The following PRMT5 variants were observed in gnomAD, a reference collection of about 807,000 sequenced individuals.
PRMT5 encodes protein arginine methyltransferase 5.
A neutral mutation model predicts 84.0 loss-of-function variants in PRMT5; 15 were observed. The ratio of observed to expected loss-of-function variants is 0.18; its 90% CI spans 0.12 to 0.28. The LOEUF is 0.28. Ranked by LOEUF, PRMT5 falls within the 10% of genes least tolerant of loss-of-function variation. PRMT5 has a pLI of 1.00. For synonymous variants in PRMT5, 276 were observed against 292.4 expected (o/e 0.94, Z 0.57); for missense variants, 486 against 808.0 (o/e 0.60, Z 4.83).
intron 14 of PRMT5, 64 bp downstream of exon 14, chr14:22,922,678 G>T: frequency 6.5e-7 from 1 of 1,546,916 alleles, no homozygotes; most frequent in Non-Finnish European, 8.9e-7. Context: ...AGTAAGGGAA[G>T]AAAGCAGGAG....
intron 16 of PRMT5, among the ~76,000 whole-genome samples, chr14:22,921,611 G>A (rs778366725): frequency 1.3e-5 from 2 of 152,164 alleles, no homozygotes; most frequent in African/African-American, 2.4e-5. Context: ...CAGGCCAGGC[G>A]CGGTGGCTCA....
chr14:22,926,276 G>A lies in PRMT5; in HGVS notation c.634C>T (p.Leu212Phe). The change falls in exon 7 of 17, where the codon CTC becomes TTC. Residue 212 changes from leucine (L) to phenylalanine (F), a missense_variant. Leu to Phe is a conservative substitution (Grantham distance 22). Transcript: ENST00000324366. ...IAVALEIGAD[L>F]PSNHVIDRWL... ...CGATCAATGACATGATTAGATGGGAGGTCAGCCCCAATTTCAAGAGCTACA... is the reference window on the plus strand; with the variant it reads ...CGATCAATGACATGATTAGATGGGAAGTCAGCCCCAATTTCAAGAGCTACA... The A allele has an allele frequency of 6.2e-7, 1 of 1,613,716 alleles. No homozygotes were observed. Among genetic ancestry groups the A allele is most frequent in the Non-Finnish European group, 8.5e-7 (1 of 1,179,840 alleles).
In PRMT5 at chr14:22,926,521, T is replaced by C. The variant is rs1356620654; in HGVS notation, c.598A>G (p.Lys200Glu). 1.2e-6 allele frequency: 2 copies of C among 1,614,038 alleles called. No homozygotes were observed. The highest frequency in any genetic ancestry group is 8.5e-7 in the Non-Finnish European group (1 of 1,180,028). Residue 200 changes from lysine to glutamate, a missense_variant, in exon 6 of 17, where the codon AAG becomes GAG. Coordinates refer to ENST00000324366, the MANE Select transcript of PRMT5 (RefSeq NM_006109.5). Reference sequence around the variant, plus strand: ...ATGGACTCACCCACTGCAATCCTCTTACTATAGTCACACAAAGTCCGGAAG... The same window carrying C: ...ATGGACTCACCCACTGCAATCCTCTCACTATAGTCACACAAAGTCCGGAAG... ...HNFRTLCDYS[K>E]RIAVALEIGA...
rs777160318 is a variant in PRMT5, at chr14:22,922,733, A to G, written c.1579+9T>C. 3.2e-5 allele frequency: 51 copies of G among 1,613,372 alleles called. No homozygotes were observed. The highest frequency in any genetic ancestry group is 4.1e-5 in the Non-Finnish European group (48 of 1,179,496). On this transcript the variant is annotated intron_variant, in intron 14 of 16. Transcript: ENST00000324366. Reference sequence around the variant, plus strand: ...CCTCTAGTCAGAGGACAGCCATAAAAGAACCTACCTCTGTTGGGATGGCTG... The same window carrying G: ...CCTCTAGTCAGAGGACAGCCATAAAGGAACCTACCTCTGTTGGGATGGCTG...
rs764520398 is a variant in PRMT5 at position 22,924,439 on chromosome 14, T to C, written c.1076+40A>G. ...CAAGCAGACTTGGCATATACAGATA[T>C]AGGTATGCAAGTCCCTGAGATTGAG... On this transcript the variant is annotated intron_variant, in intron 10 of 16. Transcript: ENST00000324366. The surrounding 1 kb of genome is among the most constrained non-coding windows in gnomAD (Gnocchi z 6.5). 2.5e-6 allele frequency: 4 copies of C among 1,613,684 alleles called. No homozygotes were observed. Among genetic ancestry groups the C allele is most frequent in the East Asian group, 4.5e-5 (2 of 44,886 alleles).
intron 7 of PRMT5, among the ~76,000 whole-genome samples, chr14:22,925,419 A>T (rs1007442295): frequency 3.3e-5 from 5 of 151,948 alleles, no homozygotes; most frequent in Middle Eastern, 6.8e-3. Flanking sequence ...AGCCTCCCAA[A>T]GTCCTGGGAT....
At position 22,922,769 on chromosome 14, in the gene PRMT5, A is replaced by G; in HGVS notation, c.1552T>C (p.Cys518Arg). 6.2e-7 allele frequency: 1 copy of G among 1,614,058 alleles called. No individual in the cohort carries two copies. Among genetic ancestry groups the G allele is most frequent in the Non-Finnish European group, 8.5e-7 (1 of 1,180,002 alleles). ...CTGTTGGGATGGCTGAAGGTGAAAC[A>G]GGGCTGGGGTGCAGAGAGCTGGTGG... ...NFHQLSAPQP[C>R]FTFSHPNRDP... is the part of the protein sequence containing the mutation. Residue 518 changes from cysteine (C) to arginine (R), a missense_variant, in exon 14 of 17, where the codon TGT becomes CGT. Around this residue, in one of 4 missense-constraint regions of PRMT5, gnomAD observed 219 missense variants for 433.6 expected, o/e 0.51. Transcript: ENST00000324366.
chr14:22,922,772 G>A lies in PRMT5; in HGVS notation c.1549C>T (p.Pro517Ser). ...TTGGGATGGCTGAAGGTGAAACAGG[G>A]CTGGGGTGCAGAGAGCTGGTGGAAG... is the stretch of plus-strand genomic sequence containing the variant. ...HNFHQLSAPQ[P>S]CFTFSHPNRD... The change falls in exon 14 of 17, where the codon CCC (proline) becomes TCC (serine). Residue 517 changes from proline to serine, a missense_variant. Physicochemically the swap from Pro to Ser is moderately conservative, Grantham distance 74. Around this residue, in one of 4 missense-constraint regions of PRMT5, gnomAD observed 219 missense variants for 433.6 expected, o/e 0.51. Coordinates refer to ENST00000324366, the MANE Select transcript of PRMT5 (RefSeq NM_006109.5). The A allele has an allele frequency of 6.2e-7, 1 of 1,614,068 alleles. No individual in the cohort carries two copies. The highest frequency in any genetic ancestry group is 8.5e-7 in the Non-Finnish European group (1 of 1,180,020).
chr14:22,928,477 G>A lies in PRMT5; in HGVS notation c.229+20C>T, dbSNP rs1419784991. The A allele has an allele frequency of 1.3e-6, 2 of 1,550,976 alleles. No individual in the cohort carries two copies. The highest frequency in any genetic ancestry group is 2.2e-5 in the East Asian group (1 of 44,552). On this transcript the variant is annotated intron_variant, in intron 2 of 16. Transcript: ENST00000324366. This position sits in a 1 kb window ranked among gnomAD's most constrained non-coding sequence, Gnocchi z 4.8. Reference sequence around the variant, plus strand: ...TGTTATTGCCTCTAATAATTAAGGGGCATATGGGATGGTCCCTACCCCTTC... The same window carrying A: ...TGTTATTGCCTCTAATAATTAAGGGACATATGGGATGGTCCCTACCCCTTC...
chr14:22,922,340 C>T, intron 15 of PRMT5, 100 bp from the exon 16 acceptor site: 1 of 1,407,622 alleles, frequency 7.1e-7, no homozygotes, highest in Non-Finnish European at 1.0e-6. Flanking sequence ...GATCTCCATT[C>T]ATTGAGCACT....
rs769877089 is a variant in PRMT5 at position 22,923,141 on chromosome 14, G to A, written c.1395C>T (p.Pro465=). 36 of 1,612,394 alleles carry A rather than the reference G, an allele frequency of 2.2e-5. No homozygotes were observed. Among genetic ancestry groups the A allele is most frequent in the Admixed American group, 1.8e-4 (11 of 59,490 alleles). ...GAGCCAGAAAGGAAGTGTACTCCCCGGGGATGCTCACACCATCATCTGCAC... is the reference window on the plus strand; with the variant it reads ...GAGCCAGAAAGGAAGTGTACTCCCCAGGGATGCTCACACCATCATCTGCAC... ...HFLKDDGVSI[P]GEYTSFLAPI... Residue 465 remains proline, a synonymous_variant, in exon 13 of 17, where the codon CCC becomes CCT. Coordinates refer to ENST00000324366, the MANE Select transcript of PRMT5 (RefSeq NM_006109.5). The surrounding 1 kb of genome is among the most constrained non-coding windows in gnomAD (Gnocchi z 5.2).
At chr14:22,922,716 C>T (rs1313565592) in intron 14 of PRMT5, 26 bp downstream of exon 14, 1 of 1,602,808 alleles carries the variant, frequency 6.2e-7, no homozygotes, top group South Asian at 1.1e-5. Context: ...CCCCTCTAGT[C>T]AGAGGACAGC....
intron 4 of PRMT5, among the ~76,000 whole-genome samples, 163 bp downstream of exon 4, chr14:22,927,363 C>T (rs1015038220): frequency 6.6e-6 from 1 of 152,102 alleles, no homozygotes; most frequent in Non-Finnish European, 1.5e-5. Flanking sequence ...CCCACCTCAG[C>T]CTCCCAAAGT....
At chr14:22,925,181 A>G in intron 7 of PRMT5, 141 bp from the exon 8 acceptor site, 2 of 955,618 alleles carry the variant, frequency 2.1e-6, no homozygotes, top group Non-Finnish European at 3.0e-6. Context: ...AAAAAGATGG[A>G]GTCTCGCTCT....
At position 22,923,476 on chromosome 14, in the gene PRMT5, G is replaced by A; in HGVS notation, c.1376-316C>T. On this transcript the variant is annotated intron_variant, in intron 12 of 16. Transcript: ENST00000324366. The surrounding 1 kb of genome is among the most constrained non-coding windows in gnomAD (Gnocchi z 5.2). ...CACAAAAGTTCCTGATGAAAGCTAA[G>A]CTCAGGGTACATATGTCATATTTAT... 4.8e-6 allele frequency: 1 copy of A among 206,408 alleles called. No homozygotes were observed. Among genetic ancestry groups the A allele is most frequent in the Non-Finnish European group, 9.5e-6 (1 of 105,148 alleles). 12.8% of individuals were successfully genotyped at this position (206,408 alleles called of 1,614,324 possible).
intron 16 of PRMT5, 118 bp downstream of exon 16, chr14:22,922,058 C>A: frequency 1.1e-6 from 1 of 923,512 alleles, no homozygotes; most frequent in South Asian, 1.5e-5. Context: ...GATCCAAGAG[C>A]ATATGAAATC....
In PRMT5 at chr14:22,926,606, T is replaced by C. The variant is rs777650406; in HGVS notation, c.564-51A>G. 13 of 1,609,740 alleles carry C rather than the reference T, an allele frequency of 8.1e-6. No homozygotes were observed. The African/African-American group carries it at 1.6e-4, about 20-fold the overall frequency. ...CAGTAAACTAGATATGGCCGACCAA[T>C]CACCACAGCTCAAGGAGACCTCCCT... On this transcript the variant is annotated intron_variant, in intron 5 of 16. Coordinates refer to ENST00000324366, the MANE Select transcript of PRMT5 (RefSeq NM_006109.5).
rs1053407919 is a variant in PRMT5 at position 22,923,243 on chromosome 14, C to T, written c.1376-83G>A. The T allele has an allele frequency of 5.5e-5, 62 of 1,120,572 alleles. 1 individual carries two copies. In the South Asian group the frequency reaches 9.4e-4, roughly 17 times the overall value. 69.4% of individuals were successfully genotyped at this position (1,120,572 alleles called of 1,614,324 possible). On this transcript the variant is annotated intron_variant, in intron 12 of 16. Transcript: ENST00000324366. This position sits in a 1 kb window ranked among gnomAD's most constrained non-coding sequence, Gnocchi z 5.2. ...AACTGAAGGATCAGAAGGATCAAAC[C>T]TCCCATGTCAAAACCAACCAACGTT...
In PRMT5 at chr14:22,923,252, C is replaced by T; in HGVS notation, c.1376-92G>A. The T allele has an allele frequency of 1.1e-6, 1 of 911,988 alleles. No homozygotes were observed. The highest frequency in any genetic ancestry group is 1.6e-6 in the Non-Finnish European group (1 of 611,264). 56.5% of individuals were successfully genotyped at this position (911,988 alleles called of 1,614,324 possible). A position where few individuals can be genotyped will look rare whatever the true frequency, so the allele number is the denominator to read the frequency against. ...ATCAGAAGGATCAAACCTCCCATGT[C>T]AAAACCAACCAACGTTGGCATGGGC... On this transcript the variant is annotated intron_variant, in intron 12 of 16. Transcript: ENST00000324366. The surrounding 1 kb of genome is among the most constrained non-coding windows in gnomAD (Gnocchi z 5.2).
Sources: gnomAD v4.1 joint callset for allele counts (sites outside exome capture counted in the v4.1 genomes callset) on GRCh38, gnomAD v4.1.1 for gene constraint, gnomAD v4.1.1 regional missense constraint, Gnocchi (gnomAD v3.1) non-coding constraint, MANE v1.5 for transcripts, NCBI Gene and HGNC (gene_info 2026-07-23, HGNC 2026-07-21) for gene names.